The following RERG variants were observed in gnomAD, a reference collection of about 807,000 sequenced individuals.
The protein encoded by RERG is ras-related and estrogen-regulated growth inhibitor.
RERG carries 25 observed loss-of-function variants against 23.2 expected under a neutral mutation model. The observed-to-expected ratio is 1.08, with a 90% CI of 0.79 to 1.50. The LOEUF is 1.50. RERG is among the 40% of genes most tolerant of loss of function. The pLI is 0.00. For missense variants in RERG, 253 were observed against 250.1 expected (o/e 1.01, Z -0.08); for synonymous variants, 81 against 89.1 (o/e 0.91, Z 0.51).
At chr12:15,138,876 A>G (rs891090727) in intron 2 of RERG, among the ~76,000 whole-genome samples, 1 of 151,870 alleles carries the variant, frequency 6.6e-6, no homozygotes, top group African/African-American at 2.4e-5. Context: ...GTCACTTCTA[A>G]AAGGTCTTCA....
intron 2 of RERG, among the ~76,000 whole-genome samples, chr12:15,153,094 A>G (rs191824108): frequency 3.9e-5 from 6 of 152,292 alleles, no homozygotes; most frequent in Admixed American, 3.9e-4. Context: ...ATTAAGAAAA[A>G]AATTCGCACC....
intron 2 of RERG, among the ~76,000 whole-genome samples, chr12:15,146,966 T>C (rs1173419916): frequency 6.6e-6 from 1 of 152,022 alleles, no homozygotes; most frequent in Non-Finnish European, 1.5e-5. Context: ...TTTATTCAAA[T>C]ATTCTTAAAA....
In RERG at chr12:15,109,487, G is replaced by A. The variant is rs370047461; in HGVS notation, c.223C>T (p.Arg75Ter). ...EDTIQREGHMRWGEGFVLVYD... is the reference protein window; with the variant it reads ...EDTIQREGHM ...ACCAGCACAAAGCCTTCCCCCCATC[G>A]CATGTGCCCCTCCCTCTGAATGGTA... Residue 75 changes from arginine to a stop codon, truncating the protein, a stop_gained, in exon 5 of 5, where the codon CGA becomes TGA. Coordinates refer to ENST00000256953, the MANE Select transcript of RERG (RefSeq NM_032918.3). LOFTEE classifies it high-confidence loss of function. 6.2e-7 allele frequency: 1 copy of A among 1,609,592 alleles called. No individual in the cohort carries two copies. Among genetic ancestry groups the A allele is most frequent in the Admixed American group, 1.7e-5 (1 of 59,686 alleles).
chr12:15,123,532 A>G (rs1291772868), intron 2 of RERG, among the ~76,000 whole-genome samples: 1 of 20,522 alleles, frequency 4.9e-5, no homozygotes, highest in Non-Finnish European at 1.4e-4. Context: ...TTAAATTTAA[A>G]TAATAAATAT....
Position 15,160,033 on chromosome 12 carries a change from C to T in RERG, c.62-38914G>A, listed in dbSNP as rs904990111. On this transcript the variant is annotated intron_variant, in intron 2 of 4. Transcript: ENST00000256953. The stretch of plus-strand genomic sequence containing the variant: ...TGGAAAATAGAGGGAAAAATGAACA[C>T]GAATATTTAGTATCTATAACAAATT... Among the ~76,000 whole-genome samples the T allele has an allele frequency of 2.6e-5, 4 of 152,034 alleles. No individual in the cohort carries two copies. The South Asian group carries it at 8.3e-4, about 31-fold the overall frequency.
intron 2 of RERG, among the ~76,000 whole-genome samples, chr12:15,173,368 T>G (rs1396496040): frequency 2.6e-5 from 4 of 152,042 alleles, no homozygotes; most frequent in African/African-American, 9.6e-5. Context: ...TTGATTAATG[T>G]AGCTTTTATA....
At chr12:15,207,819 T>C (rs558173243) in intron 2 of RERG, among the ~76,000 whole-genome samples, 24 of 152,182 alleles carry the variant, frequency 1.6e-4, no homozygotes, top group African/African-American at 2.6e-4. Context: ...AGGAGAGGGA[T>C]TTATCATGCT....
chr12:15,180,648 AT>A (rs541380200), intron 2 of RERG, among the ~76,000 whole-genome samples: 4 of 152,198 alleles, frequency 2.6e-5, no homozygotes, highest in Non-Finnish European at 5.9e-5. Context: ...GCTGAAGTAA[AT>A]AGGGACGAGG....
At chr12:15,140,223 CT>C (rs1355500714) in intron 2 of RERG, among the ~76,000 whole-genome samples, 1 of 152,060 alleles carries the variant, frequency 6.6e-6, no homozygotes, top group Non-Finnish European at 1.5e-5. Context: ...GATTAATGCC[CT>C]TATAAAAGGC....
intron 2 of RERG, among the ~76,000 whole-genome samples, chr12:15,164,199 G>A (rs187810539): frequency 5.9e-4 from 90 of 152,310 alleles, no homozygotes; most frequent in African/African-American, 2.1e-3. Flanking sequence ...GTTTTACATA[G>A]GGGCTCCATT....
At chr12:15,153,429 C>T (rs1052473374) in intron 2 of RERG, among the ~76,000 whole-genome samples, 4 of 152,058 alleles carry the variant, frequency 2.6e-5, no homozygotes, top group African/African-American at 9.7e-5. Context: ...GCACTTTGCT[C>T]ACAAAAGAGA....
At chr12:15,180,704 A>G (rs1864912303) in intron 2 of RERG, among the ~76,000 whole-genome samples, 2 of 152,174 alleles carry the variant, frequency 1.3e-5, no homozygotes, top group African/African-American at 4.8e-5. Context: ...CTGAATGCTC[A>G]TTTGTCCCAT....
At chr12:15,115,430 A>C (rs1007583276) in intron 3 of RERG, among the ~76,000 whole-genome samples, 14 of 152,254 alleles carry the variant, frequency 9.2e-5, no homozygotes, top group Admixed American at 7.2e-4. Flanking sequence ...TTTCAAACAC[A>C]TTAGACTCTG....
chr12:15,204,937 A>C (rs1405757052), intron 2 of RERG, among the ~76,000 whole-genome samples: 7 of 151,952 alleles, frequency 4.6e-5, no homozygotes, highest in Non-Finnish European at 1.0e-4. Flanking sequence ...GTTAAAAAAC[A>C]ATAATTCTAG....
intron 2 of RERG, among the ~76,000 whole-genome samples, chr12:15,192,714 T>C (rs1413664532): frequency 1.3e-5 from 2 of 152,190 alleles, no homozygotes; most frequent in African/African-American, 4.8e-5. Flanking sequence ...TGTATTTACT[T>C]GTCATGTTTC....
chr12:15,195,178 A>C (rs1460418892), intron 2 of RERG, among the ~76,000 whole-genome samples: 2 of 152,162 alleles, frequency 1.3e-5, no homozygotes, highest in Non-Finnish European at 2.9e-5. Flanking sequence ...TAGATAGCCC[A>C]CGAGATATGA....
intron 2 of RERG, 122 bp downstream of exon 2, chr12:15,217,307 A>C: frequency 1.4e-6 from 1 of 705,684 alleles, no homozygotes; most frequent in Non-Finnish European, 2.5e-6. Context: ...CTTTATCTAA[A>C]AGAGTAAGAA....
intron 2 of RERG, among the ~76,000 whole-genome samples, chr12:15,210,888 G>T (rs574860682): frequency 3.9e-5 from 6 of 152,192 alleles, no homozygotes; most frequent in African/African-American, 1.4e-4. Flanking sequence ...CAACAAAAAG[G>T]CTCCTTTTTT....
chr12:15,121,150 A>G, intron 2 of RERG, 31 bp from the exon 3 acceptor site: 1 of 1,580,824 alleles, frequency 6.3e-7, no homozygotes, highest in Non-Finnish European at 8.7e-7. Context: ...ATTTCAAAAA[A>G]TAATTTGTTA....
Sources: gnomAD v4.1 joint callset for allele counts (sites outside exome capture counted in the v4.1 genomes callset) on GRCh38, gnomAD v4.1.1 for gene constraint, MANE v1.5 for transcripts, NCBI Gene and HGNC (gene_info 2026-07-23, HGNC 2026-07-21) for gene names.